Variants in TRIP11 observed in about 807,000 individuals in gnomAD.
The protein encoded by TRIP11 is thyroid receptor-interacting protein 11.
TRIP11 carries 148 observed loss-of-function variants against 223.1 expected under a neutral mutation model. The observed-to-expected ratio is 0.66, with a 90% CI of 0.58 to 0.76. The LOEUF (loss-of-function observed/expected upper bound fraction) is 0.76, where lower values mean the gene tolerates loss of function less well. Among genes scored for constraint, TRIP11 ranks in the 30% least tolerant of loss-of-function variants. TRIP11 has a pLI of 0.00. For missense variants in TRIP11, 2,043 were observed against 2,222.0 expected, an observed-to-expected ratio of 0.92 and a Z score of 1.62; for synonymous variants, 762 against 772.6, an observed-to-expected ratio of 0.99 and a Z score of 0.23.
intron 13 of TRIP11, 80 bp downstream of exon 13, chr14:91,999,160 T>C: frequency 6.8e-7 from 1 of 1,463,622 alleles, no homozygotes; most frequent in Non-Finnish European, 9.4e-7. Context: ...AAGGATGAGC[T>C]AACATACAAA....
intron 5 of TRIP11, among the ~76,000 whole-genome samples, chr14:92,017,219 C>T (rs2057045690): frequency 2.0e-5 from 3 of 151,890 alleles, no homozygotes; most frequent in Non-Finnish European, 2.9e-5. Context: ...ATATACTTTA[C>T]ATAAATAATA....
chr14:91,989,214 C>G (rs963657343), intron 15 of TRIP11, among the ~76,000 whole-genome samples: 11 of 152,158 alleles, frequency 7.2e-5, no homozygotes, highest in African/African-American at 2.6e-4. Context: ...TTTGGCATTC[C>G]TTGCCCAATA....
In TRIP11 at chr14:92,014,230, G is replaced by T. The variant is rs1456906884; in HGVS notation, c.1171C>A (p.Gln391Lys). ...SASVEEVFRL[Q>K]QALSDAENEI... ...GACTGTATACCAGACAGTGCTTGTT[G>T]TAGTCTGAACACTTCTTCCACTGAT... Residue 391 changes from glutamine (Q) to lysine (K), a missense_variant, in exon 7 of 21, where the codon CAA (glutamine) becomes AAA (lysine). Physicochemically the swap from Gln to Lys is moderately conservative, Grantham distance 53. Coordinates refer to ENST00000267622, the MANE Select transcript of TRIP11 (RefSeq NM_004239.4). The T allele has an allele frequency of 6.2e-7, 1 of 1,613,878 alleles. No individual in the cohort carries two copies. The highest frequency in any genetic ancestry group is 1.3e-5 in the African/African-American group (1 of 74,916).
chr14:92,004,989 T>A lies in TRIP11; in HGVS notation c.2987A>T (p.Glu996Val). Reference protein sequence around the residue: ...IQTDNSDIFQETKVQSLNIEN... With the variant: ...IQTDNSDIFQVTKVQSLNIEN... Reference sequence around the variant, plus strand: ...TATATTAAGGCTCTGAACTTTTGTTTCTTGAAAAATATCAGAGTTATCTGT... The same window carrying A: ...TATATTAAGGCTCTGAACTTTTGTTACTTGAAAAATATCAGAGTTATCTGT... The change falls in exon 11 of 21, where the codon GAA becomes GTA. Residue 996 changes from glutamate (E) to valine (V), a missense_variant. Transcript: ENST00000267622. 1 of 1,613,756 alleles carries A rather than the reference T, an allele frequency of 6.2e-7. No individual in the cohort carries two copies. The highest frequency in any genetic ancestry group is 8.5e-7 in the Non-Finnish European group (1 of 1,179,956).
chr14:92,003,397 C>T (rs1243850214), intron 11 of TRIP11, 22 bp downstream of exon 11: 2 of 1,611,360 alleles, frequency 1.2e-6, no homozygotes, highest in African/African-American at 1.3e-5. Context: ...CTTCCTTCTA[C>T]AATACTCCAT....
At chr14:92,018,505 T>A (rs775327292) in intron 4 of TRIP11, among the ~76,000 whole-genome samples, 3 of 152,214 alleles carry the variant, frequency 2.0e-5, no homozygotes, top group Non-Finnish European at 4.4e-5. Flanking sequence ...TGTTCATTTA[T>A]CTTTATTAAT....
rs754046173 is a variant in TRIP11 at position 92,004,073 on chromosome 14, G to C, written c.3903C>G (p.Thr1301=). Residue 1301 remains threonine, a synonymous_variant, in exon 11 of 21, where the codon ACC becomes ACG. Transcript: ENST00000267622. The stretch of plus-strand genomic sequence containing the variant: ...CAAGTTTTCCTAAAAGAAGATCCTT[G>C]GTATTGCAAAGCTGCCCAATGCTGT... The part of the protein sequence containing the change: ...VQHSIGQLCN[T]KDLLLGKLDI... 3 of 1,613,980 alleles carry C rather than the reference G, an allele frequency of 1.9e-6. No individual in the cohort carries two copies. Among genetic ancestry groups the C allele is most frequent in the African/African-American group, 2.7e-5 (2 of 74,904 alleles).
intron 15 of TRIP11, among the ~76,000 whole-genome samples, chr14:91,990,718 T>A (rs1194304184): frequency 1.3e-5 from 2 of 152,202 alleles, no homozygotes; most frequent in African/African-American, 4.8e-5. Context: ...GGCTCACGCC[T>A]GTAATTCCAA....
In TRIP11 at chr14:91,966,949, C is replaced by T. The variant is rs535942686; in HGVS notation, c.*2724G>A. ...CGCACTGTTAGCAATGTCCTATTGC[C>T]AACATTAGAATTATATGCTTCATCA... On this transcript the variant is annotated 3_prime_UTR_variant, in exon 21 of 21. Transcript: ENST00000267622. 9.7e-6 allele frequency: 2 copies of T among 205,180 alleles called. No homozygotes were observed. Among genetic ancestry groups the T allele is most frequent in the South Asian group, 1.9e-4 (1 of 5,272 alleles). The allele number at this position is 205,180 out of a possible 1,614,324, so 12.7% of individuals were successfully genotyped here. A position where few individuals can be genotyped will look rare whatever the true frequency, so the allele number is the denominator to read the frequency against.
Position 92,003,773 on chromosome 14 carries a change from T to C in TRIP11, c.4203A>G (p.Lys1401=), listed in dbSNP as rs1370737539. 2 of 1,614,202 alleles carry C rather than the reference T, an allele frequency of 1.2e-6. No homozygotes were observed. The highest frequency in any genetic ancestry group is 2.2e-5 in the South Asian group (2 of 91,090). The part of the protein sequence containing the change: ...TDSEIKQLKE[K]QDVLQKLLKE... ...TAAGTAACTTTTGCAAAACATCTTG[T>C]TTCTCCTTTAGCTGCTTGATTTCTG... Residue 1401 remains lysine (K), a synonymous_variant, in exon 11 of 21, where the codon AAA becomes AAG. Transcript: ENST00000267622.
rs1334375442 is a variant in TRIP11 at position 92,006,301 on chromosome 14, C to T, written c.1675G>A (p.Val559Ile). ...CTTTGAATTAGCTTTTCTTTCTGTA[C>T]ATCTAACTCTTTAGTAATGTCCATT... ...DKMDITKELD[V>I]QKEKLIQSEV... Residue 559 changes from valine to isoleucine, a missense_variant, in exon 11 of 21, where the codon GTA becomes ATA. Physicochemically the swap from Val to Ile is conservative, Grantham distance 29. Coordinates refer to ENST00000267622, the MANE Select transcript of TRIP11 (RefSeq NM_004239.4). The T allele has an allele frequency of 1.3e-5, 21 of 1,610,346 alleles. No individual in the cohort carries two copies. Among genetic ancestry groups the T allele is most frequent in the Non-Finnish European group, 1.4e-5 (17 of 1,178,618 alleles).
intron 2 of TRIP11, among the ~76,000 whole-genome samples, chr14:92,031,894 C>G (rs1032346919): frequency 6.6e-5 from 10 of 152,048 alleles, no homozygotes; most frequent in Non-Finnish European, 1.3e-4. Context: ...CTCACCGCAG[C>G]CTTGACTTCC....
Position 91,969,492 on chromosome 14 carries a change from C to T in TRIP11, c.*181G>A. The T allele has an allele frequency of 1.5e-6, 1 of 671,030 alleles. No homozygotes were observed. The highest frequency in any genetic ancestry group is 1.8e-5 in the South Asian group (1 of 56,830). The allele number at this position is 671,030 out of a possible 1,614,324, so 41.6% of individuals were successfully genotyped here. On this transcript the variant is annotated 3_prime_UTR_variant, in exon 21 of 21. Transcript: ENST00000267622. ...GGAATAAAGCAGATTATATAGCAAA[C>T]ACTTGCTCCTGACACCTGCAGTTTC...
At chr14:91,994,832 T>G (rs901853687) in intron 14 of TRIP11, among the ~76,000 whole-genome samples, 1 of 152,208 alleles carries the variant, frequency 6.6e-6, no homozygotes, top group African/African-American at 2.4e-5. Context: ...ACTATTATTG[T>G]GTCTCCAAAA....
intron 7 of TRIP11, among the ~76,000 whole-genome samples, chr14:92,012,537 TAGG>T (rs1566864719): frequency 4.1e-4 from 63 of 151,916 alleles, no homozygotes; most frequent in African/African-American, 1.4e-3. Context: ...TAATCTAGAT[TAGG>T]AGGAGCAAAT....
chr14:91,991,045 G>A (rs2056665518), intron 15 of TRIP11, among the ~76,000 whole-genome samples: 1 of 152,192 alleles, frequency 6.6e-6, no homozygotes, highest in Admixed American at 6.5e-5. Context: ...TTCTGCTATG[G>A]CTTGAATGTA....
chr14:92,004,641 T>C lies in TRIP11; in HGVS notation c.3335A>G (p.Asn1112Ser), dbSNP rs2056874074. Residue 1112 changes from asparagine to serine, a missense_variant, in exon 11 of 21, where the codon AAT becomes AGT. Physicochemically the swap from Asn to Ser is conservative, Grantham distance 46. Coordinates refer to ENST00000267622, the MANE Select transcript of TRIP11 (RefSeq NM_004239.4). Reference sequence around the variant, plus strand: ...GTGATATTCTGTTTTTAGATGGCTATTTTCCCTAGTCTTCTCATTCAAAAC... The same window carrying C: ...GTGATATTCTGTTTTTAGATGGCTACTTTCCCTAGTCTTCTCATTCAAAAC... ...FAVLNEKTRE[N>S]SHLKTEYHKM... 4 of 1,614,158 alleles carry C rather than the reference T, an allele frequency of 2.5e-6. No individual in the cohort carries two copies. The highest frequency in any genetic ancestry group is 1.1e-5 in the South Asian group (1 of 91,082).
At chr14:92,025,516 C>CTCCG in intron 2 of TRIP11, 96 bp from the exon 3 acceptor site, 2 of 796,854 alleles carry the variant, frequency 2.5e-6, no homozygotes, top group South Asian at 3.1e-5. Flanking sequence ...CTTTCCCCCC[C>CTCCG]CAAAAATGTC....
At chr14:92,000,156 T>C (rs373158096) in intron 11 of TRIP11, 48 bp from the exon 12 acceptor site, 2 of 1,596,740 alleles carry the variant, frequency 1.3e-6, no homozygotes, top group South Asian at 1.1e-5. Flanking sequence ...CACACACACA[T>C]ATTTTAAAAG....
Sources: allele counts gnomAD v4.1 joint callset (sites outside exome capture counted in the v4.1 genomes callset), GRCh38; gene constraint gnomAD v4.1.1; transcripts MANE v1.5; gene names NCBI Gene and HGNC (gene_info 2026-07-23, HGNC 2026-07-21).